CHRM3: variants seen among roughly 807,000 people sequenced by gnomAD.
CHRM3 encodes the protein muscarinic acetylcholine receptor M3.
Under a neutral mutation model 41.8 loss-of-function variants are expected in CHRM3, and 11 were observed. The ratio of observed to expected loss-of-function variants is 0.26; its 90% CI spans 0.17 to 0.44. The LOEUF is 0.44. Ranked by LOEUF, CHRM3 falls within the 20% of genes least tolerant of loss-of-function variation. CHRM3 has a pLI of 1.00. For synonymous variants in CHRM3, 297 were observed against 301.4 expected, an observed-to-expected ratio of 0.99 and a Z score of 0.15; for missense variants, 571 against 745.4, an observed-to-expected ratio of 0.77 and a Z score of 2.72.
At chr1:239,846,564 G>T (rs1674282597) in intron 6 of CHRM3, among the ~76,000 whole-genome samples, 1 of 152,148 alleles carries the variant, frequency 6.6e-6, no homozygotes, top group Admixed American at 6.6e-5. Context: ...GGAGCAAATG[G>T]CAGAGTGATA....
rs1671131912 is a variant in CHRM3 at position 239,641,357 on chromosome 1, C to A, written c.-250+9071C>A. 2.0e-5 allele frequency among the ~76,000 whole-genome samples: 3 copies of A among 150,644 alleles called. No homozygotes were observed. In the South Asian group the frequency reaches 6.4e-4, roughly 32 times the overall value. On this transcript the variant is annotated intron_variant, in intron 4 of 6. Coordinates refer to ENST00000676153, the MANE Select transcript of CHRM3 (RefSeq NM_001375978.1). ...GTCTCATTGATCTGTCTAATGTTGA[C>A]AGTGGGGTGTTAAAGTCTCCCATTA... is the stretch of plus-strand genomic sequence containing the variant.
At chr1:239,843,785 CTTTCAA>C (rs1281425547) in intron 6 of CHRM3, among the ~76,000 whole-genome samples, 1 of 152,002 alleles carries the variant, frequency 6.6e-6, no homozygotes, top group African/African-American at 2.4e-5. Context: ...TTTAGTTTCT[CTTTCAA>C]TAGATCCTGG....
chr1:239,398,293 T>C (rs983407942), intron 1 of CHRM3, among the ~76,000 whole-genome samples: 4 of 152,196 alleles, frequency 2.6e-5, no homozygotes, highest in African/African-American at 9.7e-5. Flanking sequence ...TGGAGTACAA[T>C]GGCATGATCT....
chr1:239,874,485 C>T (rs1343959376), intron 6 of CHRM3, among the ~76,000 whole-genome samples: 1 of 150,920 alleles, frequency 6.6e-6, no homozygotes, highest in Admixed American at 6.6e-5. Context: ...TTCCATGGGG[C>T]CAACTGTGGG....
chr1:239,725,012 T>C (rs1470041578), intron 5 of CHRM3, among the ~76,000 whole-genome samples: 2 of 151,926 alleles, frequency 1.3e-5, no homozygotes, highest in Non-Finnish European at 2.9e-5. Flanking sequence ...TATGCCTGTG[T>C]GCACTCTCAG....
chr1:239,594,476 A>G (rs1302835290), intron 3 of CHRM3, among the ~76,000 whole-genome samples: 4 of 152,232 alleles, frequency 2.6e-5, no homozygotes, highest in Non-Finnish European at 4.4e-5. Context: ...TATAGGTTCT[A>G]GTCTAAAACC....
intron 3 of CHRM3, among the ~76,000 whole-genome samples, chr1:239,598,426 C>A (rs1054877831): frequency 2.0e-5 from 3 of 152,064 alleles, no homozygotes; most frequent in African/African-American, 7.2e-5. Context: ...GCTCAGGAGA[C>A]CTTGATTCTA....
chr1:239,697,100 A>AG (rs1472593031), intron 5 of CHRM3, among the ~76,000 whole-genome samples: 3 of 152,174 alleles, frequency 2.0e-5, no homozygotes, highest in African/African-American at 7.2e-5. Flanking sequence ...AGTAAAGTAA[A>AG]TATGCAAGTA....
At chr1:239,510,270 T>G (rs1668833524) in intron 2 of CHRM3, among the ~76,000 whole-genome samples, 1 of 152,206 alleles carries the variant, frequency 6.6e-6, no homozygotes, top group African/African-American at 2.4e-5. Flanking sequence ...AATGTTGGTT[T>G]AGAAAAGAGT....
intron 1 of CHRM3, among the ~76,000 whole-genome samples, chr1:239,407,916 G>A: frequency 6.6e-6 from 1 of 152,094 alleles, no homozygotes; most frequent in East Asian, 1.9e-4. Flanking sequence ...TCTGAATTTG[G>A]AATTCTAAAG....
chr1:239,407,045 C>T lies in CHRM3; in HGVS notation c.-521+19818C>T, dbSNP rs1660645043. ...AGAAGAAGATCCAGGCAAAACTAAC[C>T]TTACAAGTGAAAAACTTCCTGCTGT... is the stretch of plus-strand genomic sequence containing the variant. On this transcript the variant is annotated intron_variant, in intron 1 of 6. Transcript: ENST00000676153. Among the ~76,000 whole-genome samples the T allele has an allele frequency of 2.0e-5, 3 of 152,130 alleles. No homozygotes were observed. The South Asian group carries it at 6.2e-4, about 32-fold the overall frequency.
chr1:239,584,226 C>A (rs1663187321), intron 3 of CHRM3, among the ~76,000 whole-genome samples: 1 of 151,632 alleles, frequency 6.6e-6, no homozygotes, highest in Non-Finnish European at 1.5e-5. Context: ...GACTCAGCCT[C>A]CCGAGTAGCT....
At chr1:239,596,664 C>T (rs899011833) in intron 3 of CHRM3, among the ~76,000 whole-genome samples, 2 of 152,034 alleles carry the variant, frequency 1.3e-5, no homozygotes, top group African/African-American at 4.8e-5. Context: ...TAGTTTCAAT[C>T]ATTATGCTTT....
chr1:239,533,559 C>T (rs1162913139), intron 2 of CHRM3, among the ~76,000 whole-genome samples: 1 of 150,420 alleles, frequency 6.6e-6, no homozygotes, highest in Non-Finnish European at 1.5e-5. Flanking sequence ...AGTGAAACCC[C>T]GTCTCTACTA....
chr1:239,722,327 A>G (rs756522856), intron 5 of CHRM3, among the ~76,000 whole-genome samples: 5 of 151,944 alleles, frequency 3.3e-5, no homozygotes, highest in Non-Finnish European at 5.9e-5. Flanking sequence ...CCCAGTGCCC[A>G]TTGGCCTTAT....
In CHRM3 at chr1:239,468,743, A is replaced by C. The variant is rs1380346692; in HGVS notation, c.-520-23966A>C. Among the ~76,000 whole-genome samples the C allele has an allele frequency of 5.9e-5, 9 of 152,174 alleles. No homozygotes were observed. In the South Asian group the frequency reaches 1.2e-3, roughly 21 times the overall value. On this transcript the variant is annotated intron_variant, in intron 1 of 6. Transcript: ENST00000676153. The stretch of plus-strand genomic sequence containing the variant: ...TGCTTTAAATGATTCATTTGTAATG[A>C]CTTTATATCTTTTTATGTACTAAAA...
intron 5 of CHRM3, among the ~76,000 whole-genome samples, chr1:239,794,950 A>T (rs1428505732): frequency 2.0e-5 from 3 of 151,850 alleles, no homozygotes; most frequent in African/African-American, 7.3e-5. Flanking sequence ...CTGATATTGG[A>T]TAATTTCCAA....
rs1035409503 is a variant in CHRM3 at position 239,387,122 on chromosome 1, G to A, written c.-626G>A. The A allele has an allele frequency of 1.3e-5, 2 of 152,198 alleles. No homozygotes were observed. The highest frequency in any genetic ancestry group is 4.8e-5 in the African/African-American group (2 of 41,428). 9.4% of individuals were successfully genotyped at this position (152,198 alleles called of 1,614,324 possible). On this transcript the variant is annotated 5_prime_UTR_variant, in exon 1 of 7. Transcript: ENST00000676153. The surrounding 1 kb of genome is among the most constrained non-coding windows in gnomAD (Gnocchi z 5.1). The stretch of plus-strand genomic sequence containing the variant: ...ACGATCTTAAGGACAGTCGCTCCCT[G>A]AACGCGGAGCCGGAGGAGACGAAGG...
At chr1:239,681,189 G>T (rs1558448440) in intron 5 of CHRM3, among the ~76,000 whole-genome samples, 1 of 152,116 alleles carries the variant, frequency 6.6e-6, no homozygotes, top group South Asian at 2.1e-4. Flanking sequence ...TTCAAATTGG[G>T]TTTTGGGTGG....
Sources: gnomAD v4.1 joint callset for allele counts (sites outside exome capture counted in the v4.1 genomes callset) on GRCh38, gnomAD v4.1.1 for gene constraint, Gnocchi (gnomAD v3.1) non-coding constraint, MANE v1.5 for transcripts, NCBI Gene and HGNC (gene_info 2026-07-23, HGNC 2026-07-21) for gene names.